INTS15: variants seen among roughly 807,000 people sequenced by gnomAD.
INTS15 encodes uncharacterized protein C7orf26.
chr7:6,597,639 C>T, the INTS15 span, among the ~76,000 whole-genome samples: 1 of 152,236 alleles, frequency 6.6e-6, no homozygotes, highest in Non-Finnish European at 1.5e-5. Context: ...AAAACAGAAA[C>T]TGGCCTTACC....
chr7:6,601,732 C>T, the INTS15 span, among the ~76,000 whole-genome samples: 1 of 151,126 alleles, frequency 6.6e-6, no homozygotes, highest in African/African-American at 2.4e-5. Context: ...TCTCGGCTTA[C>T]TGCAACCTCC....
chr7:6,608,132 G>A, the INTS15 span: 6 of 1,554,364 alleles, frequency 3.9e-6, no homozygotes, highest in Admixed American at 9.3e-5. Flanking sequence ...CATCTCCGGC[G>A]TGACCTTTCC....
the INTS15 span, chr7:6,599,727 T>A: frequency 1.8e-6 from 2 of 1,114,894 alleles, no homozygotes; most frequent in Non-Finnish European, 2.6e-6. Flanking sequence ...GACCATCAGG[T>A]GGGCAGTGCC....
At chr7:6,590,669 TG>T in the INTS15 span, among the ~76,000 whole-genome samples, 1 of 152,286 alleles carries the variant, frequency 6.6e-6, no homozygotes, top group African/African-American at 2.4e-5. Context: ...CTGTCCAGTC[TG>T]CGGGGCGTGT....
At chr7:6,599,028 T>G in the INTS15 span, among the ~76,000 whole-genome samples, 1 of 152,124 alleles carries the variant, frequency 6.6e-6, no homozygotes, top group Admixed American at 6.6e-5. Flanking sequence ...ACTCAAGTGA[T>G]CCTCCCACCT....
the INTS15 span, among the ~76,000 whole-genome samples, chr7:6,593,244 G>A: frequency 1.3e-5 from 2 of 151,646 alleles, no homozygotes; most frequent in African/African-American, 4.8e-5. Flanking sequence ...GCTTTAGGCA[G>A]TAAGCAAACG....
the INTS15 span, among the ~76,000 whole-genome samples, chr7:6,607,124 G>T: frequency 7.6e-4 from 115 of 152,088 alleles, no homozygotes; most frequent in African/African-American, 2.7e-3. This position sits in a 1 kb window ranked among gnomAD's most constrained non-coding sequence, Gnocchi z 6.0. Context: ...GTTCTGGGGG[G>T]TTGGGGGATC....
the INTS15 span, among the ~76,000 whole-genome samples, chr7:6,604,346 G>A: frequency 1.3e-5 from 2 of 152,318 alleles, no homozygotes; most frequent in East Asian, 3.9e-4. Flanking sequence ...TAAATGAGCT[G>A]TGATACCTCA....
the INTS15 span, among the ~76,000 whole-genome samples, chr7:6,595,295 C>A: frequency 2.0e-5 from 3 of 152,040 alleles, no homozygotes; most frequent in Non-Finnish European, 4.4e-5. Flanking sequence ...CCTGAGTAGT[C>A]GGGACCACAG....
At chr7:6,597,015 T>A in the INTS15 span, among the ~76,000 whole-genome samples, 1 of 151,800 alleles carries the variant, frequency 6.6e-6, no homozygotes, top group Admixed American at 6.6e-5. Flanking sequence ...CCTGACCTCG[T>A]GATCCACCCG....
chr7:6,594,656 A>G, the INTS15 span: 1 of 1,542,560 alleles, frequency 6.5e-7, no homozygotes, highest in Admixed American at 1.7e-5. Flanking sequence ...GGCTAGTTTT[A>G]TTTTCCACTG....
the INTS15 span, among the ~76,000 whole-genome samples, chr7:6,595,698 A>T: frequency 4.0e-5 from 6 of 151,852 alleles, no homozygotes; most frequent in Non-Finnish European, 8.8e-5. Flanking sequence ...ACTTTTTTGG[A>T]TATAGAATCT....
chr7:6,600,470 C>T, the INTS15 span: 1,641 of 1,125,516 alleles, frequency 1.5e-3, 20 homozygotes, highest in African/African-American at 0.023. Flanking sequence ...TTCTTTTCCT[C>T]CTAGTGAACA....
the INTS15 span, among the ~76,000 whole-genome samples, chr7:6,591,109 T>C: frequency 6.6e-6 from 1 of 152,090 alleles, no homozygotes; most frequent in African/African-American, 2.4e-5. Flanking sequence ...GTGTTGGAAT[T>C]ACAGGCGTGA....
the INTS15 span, chr7:6,591,588 A>T: frequency 6.9e-7 from 1 of 1,456,932 alleles, no homozygotes; most frequent in Non-Finnish European, 9.6e-7. Context: ...TTAATGTATG[A>T]GTTAATAAGT....
the INTS15 span, among the ~76,000 whole-genome samples, chr7:6,596,495 C>A: frequency 4.1e-5 from 6 of 148,038 alleles, no homozygotes; most frequent in East Asian, 1.2e-3. Flanking sequence ...TCTCTTTCCT[C>A]AGCCTCCCGA....
the INTS15 span, among the ~76,000 whole-genome samples, chr7:6,602,418 G>C: frequency 6.6e-6 from 1 of 152,162 alleles, no homozygotes; most frequent in Non-Finnish European, 1.5e-5. Context: ...GTGGCGCAGG[G>C]GGCCCTCTGT....
At chr7:6,591,920 C>G in the INTS15 span, 1 of 1,553,156 alleles carries the variant, frequency 6.4e-7, no homozygotes, top group Non-Finnish European at 8.9e-7. Flanking sequence ...GCCTGTAATC[C>G]CAGCACTTTG....
the INTS15 span, among the ~76,000 whole-genome samples, chr7:6,590,820 T>A: frequency 3.9e-5 from 6 of 152,198 alleles, no homozygotes; most frequent in Non-Finnish European, 8.8e-5. Context: ...CTTACATCTT[T>A]TTCTTTTTTT....
Sources: gnomAD v4.1 joint callset for allele counts (sites outside exome capture counted in the v4.1 genomes callset) on GRCh38, gnomAD v4.1.1 for gene constraint, Gnocchi (gnomAD v3.1) non-coding constraint, MANE v1.5 for transcripts, NCBI Gene and HGNC (gene_info 2026-07-23, HGNC 2026-07-21) for gene names.